Variants in AGAP1 observed in about 807,000 individuals in gnomAD.
AGAP1 encodes arf-GAP with GTPase, ANK repeat and PH domain-containing protein 1.
AGAP1 carries 29 observed loss-of-function variants against 105.3 expected under a neutral mutation model. The ratio of observed to expected loss-of-function variants is 0.28; its 90% confidence interval spans 0.21 to 0.38. AGAP1 has a LOEUF of 0.38. AGAP1 is among the 10% of genes least tolerant of loss of function. AGAP1 has a pLI of 1.00. For missense variants in AGAP1, 998 were observed against 1,165.1 expected (o/e 0.86, Z 2.09); for synonymous variants, 509 against 485.9 (o/e 1.05, Z -0.63).
chr2:236,129,614 AAAT>A lies in AGAP1; in HGVS notation c.*5494_*5496del, dbSNP rs2060056192. 1 of 152,210 alleles carries A rather than the reference AAAT, an allele frequency of 6.6e-6. No individual in the cohort carries two copies. The highest frequency in any genetic ancestry group is 1.5e-5 in the Non-Finnish European group (1 of 68,042). 9.4% of individuals were successfully genotyped at this position (152,210 alleles called of 1,614,324 possible). A position where few individuals can be genotyped will look rare whatever the true frequency, so the allele number is the denominator to read the frequency against. Reference sequence around the variant, plus strand: ...ACTCCTCCCCTCTCCATGAAGAAAGAAATATTTACTTAGATATTACTGTTTCAA... The same window carrying A: ...ACTCCTCCCCTCTCCATGAAGAAAGAATTTACTTAGATATTACTGTTTCAA... On this transcript the variant is annotated 3_prime_UTR_variant, in exon 18 of 18. Transcript: ENST00000304032. This position sits in a 1 kb window ranked among gnomAD's most constrained non-coding sequence, Gnocchi z 6.2.
At chr2:235,838,187 C>T (rs1204349514) in intron 9 of AGAP1, among the ~76,000 whole-genome samples, 1 of 151,814 alleles carries the variant, frequency 6.6e-6, no homozygotes, top group Non-Finnish European at 1.5e-5. Context: ...CTGTGTCCCC[C>T]CACCCCCCCA....
chr2:236,047,600 T>A (rs1230908420), intron 15 of AGAP1, among the ~76,000 whole-genome samples: 2 of 45,316 alleles, frequency 4.4e-5, no homozygotes, highest in Non-Finnish European at 9.3e-5. Context: ...TCACATTTCT[T>A]TTTTTTTTTT....
chr2:235,703,661 CA>C (rs1341372151), intron 1 of AGAP1, among the ~76,000 whole-genome samples: 7 of 151,026 alleles, frequency 4.6e-5, no homozygotes, highest in African/African-American at 1.7e-4. Context: ...TGCGGTGGCA[CA>C]ATCTCGGCTT....
chr2:236,001,529 G>A lies in AGAP1; in HGVS notation c.1645+32906G>A, dbSNP rs901588294. Among the ~76,000 whole-genome samples, 1 of 152,168 alleles carries A rather than the reference G, an allele frequency of 6.6e-6. No homozygotes were observed. The highest frequency in any genetic ancestry group is 1.5e-5 in the Non-Finnish European group (1 of 68,040). On this transcript the variant is annotated intron_variant, in intron 13 of 17. Coordinates refer to ENST00000304032, the MANE Select transcript of AGAP1 (RefSeq NM_001037131.3). The surrounding 1 kb of genome is among the most constrained non-coding windows in gnomAD (Gnocchi z 4.7). ...GTGACAGTGGCTTCCCCAGGCATCA[G>A]CGCCACAGGAGGAGAGACACAGACT...
chr2:235,551,878 G>A lies in AGAP1; in HGVS notation c.163+57029G>A, dbSNP rs1943821400. Among the ~76,000 whole-genome samples, 2 of 152,218 alleles carry A rather than the reference G, an allele frequency of 1.3e-5. No homozygotes were observed. The highest frequency in any genetic ancestry group is 1.3e-4 in the Admixed American group (2 of 15,288). On this transcript the variant is annotated intron_variant, in intron 1 of 17. Coordinates refer to ENST00000304032, the MANE Select transcript of AGAP1 (RefSeq NM_001037131.3). This position sits in a 1 kb window ranked among gnomAD's most constrained non-coding sequence, Gnocchi z 4.8. ...GCCTCAGGAGCTTCTAGTGATGCTGGAGGCGGCCACTGCTGTCTTTCAGCT... is the reference window on the plus strand; with the variant it reads ...GCCTCAGGAGCTTCTAGTGATGCTGAAGGCGGCCACTGCTGTCTTTCAGCT...
intron 9 of AGAP1, among the ~76,000 whole-genome samples, chr2:235,863,141 T>C (rs547291639): frequency 6.6e-6 from 1 of 152,204 alleles, no homozygotes; most frequent in African/African-American, 2.4e-5. Flanking sequence ...ATTTGCCAGG[T>C]TATGGGCAAG....
chr2:236,001,061 GC>G lies in AGAP1; in HGVS notation c.1645+32439del, dbSNP rs1177030365. 6.6e-6 allele frequency among the ~76,000 whole-genome samples: 1 copy of G among 152,216 alleles called. No homozygotes were observed. Among genetic ancestry groups the G allele is most frequent in the African/African-American group, 2.4e-5 (1 of 41,454 alleles). On this transcript the variant is annotated intron_variant, in intron 13 of 17. Coordinates refer to ENST00000304032, the MANE Select transcript of AGAP1 (RefSeq NM_001037131.3). This position sits in a 1 kb window ranked among gnomAD's most constrained non-coding sequence, Gnocchi z 4.7. ...GGCCTCATATGGAACTAGGGTCATG[GC>G]AGATGTCATTAGCTATACAGGAGGG...
chr2:236,025,908 G>GTGGA (rs1553548831), intron 13 of AGAP1, among the ~76,000 whole-genome samples: 2,268 of 100,370 alleles, frequency 0.023, 101 homozygotes, highest in Admixed American at 0.094. Context: ...TCTCGGGTGG[G>GTGGA]TGGATGGATG....
In AGAP1 at chr2:236,084,580, G is replaced by A. The variant is rs558349965; in HGVS notation, c.2114+35299G>A. Among the ~76,000 whole-genome samples, 5 of 152,298 alleles carry A rather than the reference G, an allele frequency of 3.3e-5. No individual in the cohort carries two copies. In the East Asian group the frequency reaches 7.7e-4, roughly 24 times the overall value. On this transcript the variant is annotated intron_variant, in intron 16 of 17. Coordinates refer to ENST00000304032, the MANE Select transcript of AGAP1 (RefSeq NM_001037131.3). ...ATCATTGAAACCTTGAAACAAATCT[G>A]TCATTCTATTCACAACTCAAATATC...
At chr2:235,827,398 C>T (rs774770372) in intron 9 of AGAP1, among the ~76,000 whole-genome samples, 7 of 152,076 alleles carry the variant, frequency 4.6e-5, no homozygotes, top group African/African-American at 1.2e-4. Flanking sequence ...AGGGGGCTGC[C>T]GGCGTAGCTC....
intron 6 of AGAP1, chr2:235,774,113 C>A (rs1955673597): frequency 1.5e-5 from 6 of 400,368 alleles, no homozygotes; most frequent in South Asian, 9.7e-5. Context: ...ATATCCAGAT[C>A]TAGGAGAAAA....
rs1334645340 is a variant in AGAP1, at chr2:235,866,139, G to A, written c.1051-17206G>A. On this transcript the variant is annotated intron_variant, in intron 9 of 17. Transcript: ENST00000304032. This position sits in a 1 kb window ranked among gnomAD's most constrained non-coding sequence, Gnocchi z 6.1. Reference sequence around the variant, plus strand: ...CTGTTTTAGTTAGGCAGCAGCATGCGATGCCCTGTGCGCATCTTTATTTTT... The same window carrying A: ...CTGTTTTAGTTAGGCAGCAGCATGCAATGCCCTGTGCGCATCTTTATTTTT... Among the ~76,000 whole-genome samples, 3 of 152,162 alleles carry A rather than the reference G, an allele frequency of 2.0e-5. No individual in the cohort carries two copies. The highest frequency in any genetic ancestry group is 2.1e-4 in the South Asian group (1 of 4,826).
intron 1 of AGAP1, among the ~76,000 whole-genome samples, chr2:235,592,274 C>T (rs569877565): frequency 1.1e-4 from 16 of 152,186 alleles, no homozygotes; most frequent in Admixed American, 4.6e-4. Context: ...GGGCACCACG[C>T]GCCAGAAGGA....
chr2:235,789,032 AG>A lies in AGAP1; in HGVS notation c.674-8725del, dbSNP rs1956816547. On this transcript the variant is annotated intron_variant, in intron 6 of 17. Coordinates refer to ENST00000304032, the MANE Select transcript of AGAP1 (RefSeq NM_001037131.3). The surrounding 1 kb of genome is among the most constrained non-coding windows in gnomAD (Gnocchi z 4.2). ...AGCTCGACTTTGGGATTAAATGTTAAGGAACTATTGTGCTTTGAAGGAGTGC... is the reference window on the plus strand; with the variant it reads ...AGCTCGACTTTGGGATTAAATGTTAAGAACTATTGTGCTTTGAAGGAGTGC... Among the ~76,000 whole-genome samples, 3 of 152,220 alleles carry A rather than the reference AG, an allele frequency of 2.0e-5. No homozygotes were observed. Among genetic ancestry groups the A allele is most frequent in the Admixed American group, 2.0e-4 (3 of 15,278 alleles).
At chr2:235,717,690 T>A (rs199817083) in intron 3 of AGAP1, 46 bp downstream of exon 3, 50 of 1,529,118 alleles carry the variant, frequency 3.3e-5, no homozygotes, top group East Asian at 1.4e-4. Context: ...TGTAGTTTTT[T>A]AAAATTTTTC....
At chr2:236,048,922 G>T in intron 15 of AGAP1, 137 bp from the exon 16 acceptor site, 1 of 768,918 alleles carries the variant, frequency 1.3e-6, no homozygotes, top group South Asian at 1.7e-5. Context: ...GCACTGGCTA[G>T]GGAGCATTTT....
At chr2:235,990,922 AG>A (rs773378660) in intron 13 of AGAP1, among the ~76,000 whole-genome samples, 4 of 152,358 alleles carry the variant, frequency 2.6e-5, no homozygotes, top group Non-Finnish European at 5.9e-5. Flanking sequence ...GGGTGGGGCA[AG>A]GTTCTTTTCT....
At chr2:235,520,401 C>T (rs1445805427) in intron 1 of AGAP1, among the ~76,000 whole-genome samples, 3 of 152,152 alleles carry the variant, frequency 2.0e-5, no homozygotes, top group Non-Finnish European at 4.4e-5. Flanking sequence ...CTTCCCGGGG[C>T]CTGTGTTTGT....
At position 235,992,109 on chromosome 2, in the gene AGAP1, C is replaced by T. The variant is rs572985675; in HGVS notation, c.1645+23486C>T. ...AGAAGGGTTGTGATGGTGGCCATCA[C>T]GAGACCCAGATAACAGGAGTGGTTA... On this transcript the variant is annotated intron_variant, in intron 13 of 17. Transcript: ENST00000304032. The surrounding 1 kb of genome is among the most constrained non-coding windows in gnomAD (Gnocchi z 4.8). 5.7e-4 allele frequency among the ~76,000 whole-genome samples: 87 copies of T among 152,296 alleles called. No homozygotes were observed. The highest frequency in any genetic ancestry group is 1.8e-3 in the African/African-American group (76 of 41,580).
Sources: gnomAD v4.1 joint callset for allele counts (sites outside exome capture counted in the v4.1 genomes callset) on GRCh38, gnomAD v4.1.1 for gene constraint, Gnocchi (gnomAD v3.1) non-coding constraint, MANE v1.5 for transcripts, NCBI Gene and HGNC (gene_info 2026-07-23, HGNC 2026-07-21) for gene names.